Variants in RBFOX1 observed in about 807,000 individuals in gnomAD.
The protein encoded by RBFOX1 is RNA binding protein fox-1 homolog 1.
Under a neutral mutation model 57.7 loss-of-function variants are expected in RBFOX1, and 8 were observed. The observed-to-expected ratio is 0.14, with a 90% confidence interval of 0.08 to 0.25. The LOEUF (loss-of-function observed/expected upper bound fraction) is 0.25. Ranked by LOEUF, RBFOX1 falls within the 10% of genes least tolerant of loss-of-function variation. The pLI is 1.00. For synonymous variants in RBFOX1, 326 were observed against 222.4 expected (o/e 1.47, Z -4.15); for missense variants, 611 against 548.5 (o/e 1.11, Z -1.14).
intron 4 of RBFOX1, among the ~76,000 whole-genome samples, chr16:5,972,718 C>T (rs1368045726): frequency 1.3e-5 from 2 of 152,188 alleles, no homozygotes; most frequent in African/African-American, 4.8e-5. Flanking sequence ...CATGGTGGGG[C>T]TCTGGCAGTC....
chr16:6,862,748 G>A (rs1410169257), intron 3 of RBFOX1, among the ~76,000 whole-genome samples: 2 of 152,158 alleles, frequency 1.3e-5, no homozygotes, highest in African/African-American at 4.8e-5. Context: ...GCTTTGTAAG[G>A]CCGAGGCTGG....
At chr16:5,432,645 G>C (rs1009881140) in intron 1 of RBFOX1, among the ~76,000 whole-genome samples, 1 of 147,522 alleles carries the variant, frequency 6.8e-6, no homozygotes, top group Non-Finnish European at 1.5e-5. Context: ...CTTTTTTCTG[G>C]TATCAGAGAA....
intron 2 of RBFOX1, among the ~76,000 whole-genome samples, chr16:6,562,804 A>G (rs1436225058): frequency 6.7e-6 from 1 of 149,516 alleles, no homozygotes; most frequent in East Asian, 2.0e-4. Context: ...AGTCTGTGTA[A>G]GCAACTGCAG....
chr16:7,589,377 A>T (rs1417159550), intron 7 of RBFOX1, among the ~76,000 whole-genome samples: 1 of 152,176 alleles, frequency 6.6e-6, no homozygotes, highest in Non-Finnish European at 1.5e-5. Flanking sequence ...TGAAAGTACA[A>T]TGGTGATACT....
At chr16:5,856,282 TATACACACAC>T (rs1460755008) in intron 3 of RBFOX1, among the ~76,000 whole-genome samples, 6 of 29,978 alleles carry the variant, frequency 2.0e-4, no homozygotes, top group East Asian at 1.0e-3. Context: ...TACACATATA[TATACACACAC>T]ACACACACAC....
intron 1 of RBFOX1, among the ~76,000 whole-genome samples, chr16:5,269,394 C>G (rs184289240): frequency 6.7e-4 from 102 of 152,366 alleles, no homozygotes; most frequent in African/African-American, 2.3e-3. Flanking sequence ...AATGAAAGCA[C>G]AGGTCCACAC....
chr16:7,256,620 C>T (rs923508995), intron 4 of RBFOX1, among the ~76,000 whole-genome samples: 1 of 152,100 alleles, frequency 6.6e-6, no homozygotes, highest in Non-Finnish European at 1.5e-5. Context: ...TGGCCACAAA[C>T]CAAAGTCATA....
chr16:5,613,234 C>G (rs948528197), intron 3 of RBFOX1, among the ~76,000 whole-genome samples: 1 of 152,084 alleles, frequency 6.6e-6, no homozygotes, highest in African/African-American at 2.4e-5. Context: ...CTCCCCACAC[C>G]CAACATGTGG....
intron 2 of RBFOX1, among the ~76,000 whole-genome samples, chr16:6,601,400 G>A (rs182547133): frequency 6.6e-6 from 1 of 152,136 alleles, no homozygotes; most frequent in East Asian, 1.9e-4. Context: ...TGCTTTTGTT[G>A]GTATTGTGGC....
rs537672423 is a variant in RBFOX1, at chr16:6,532,706, A to C, written c.-63-121897A>C. 2.0e-5 allele frequency among the ~76,000 whole-genome samples: 3 copies of C among 152,228 alleles called. No individual in the cohort carries two copies. The East Asian group carries it at 5.8e-4, about 29-fold the overall frequency. ...TCTGCTCTGGATTCCTCTCCTGGAC[A>C]GTTGCACTGGACTCCATTCCCATTT... On this transcript the variant is annotated intron_variant, in intron 2 of 15. Coordinates refer to ENST00000550418, the MANE Select transcript of RBFOX1 (RefSeq NM_018723.4).
chr16:6,828,470 G>C (rs998222227), intron 3 of RBFOX1, among the ~76,000 whole-genome samples: 1 of 151,908 alleles, frequency 6.6e-6, no homozygotes, highest in Admixed American at 6.6e-5. Context: ...GTTGCAGTCA[G>C]TCGACATCAC....
intron 2 of RBFOX1, among the ~76,000 whole-genome samples, chr16:6,446,711 T>C (rs2094493409): frequency 6.6e-6 from 1 of 152,180 alleles, no homozygotes; most frequent in African/African-American, 2.4e-5. Context: ...ATAGATTAAA[T>C]AGAGTTAGTT....
intron 3 of RBFOX1, among the ~76,000 whole-genome samples, chr16:5,701,653 C>T (rs2051053116): frequency 6.6e-6 from 1 of 152,118 alleles, no homozygotes; most frequent in Non-Finnish European, 1.5e-5. Flanking sequence ...AGGCTGGTCT[C>T]AAACTTCTGG....
intron 3 of RBFOX1, among the ~76,000 whole-genome samples, chr16:5,784,611 C>T (rs546388220): frequency 6.6e-6 from 1 of 152,160 alleles, no homozygotes; most frequent in African/African-American, 2.4e-5. Context: ...TCGCTCACCT[C>T]CCATCTGGCC....
At chr16:6,076,334 GCACACACACACATACACACACACA>G (rs2095900268) in intron 1 of RBFOX1, among the ~76,000 whole-genome samples, 1 of 149,220 alleles carries the variant, frequency 6.7e-6, no homozygotes, top group Admixed American at 6.6e-5. Flanking sequence ...AAACACACGC[GCACACACACACATACACACACACA>G]CACCCCACCT....
chr16:5,397,621 A>G (rs1476800161), intron 1 of RBFOX1, among the ~76,000 whole-genome samples: 42 of 152,210 alleles, frequency 2.8e-4, no homozygotes, highest in Non-Finnish European at 1.0e-4. Context: ...TCTTCAATAG[A>G]TGAAAGGCAT....
At chr16:6,309,170 G>C (rs1426357584) in intron 1 of RBFOX1, among the ~76,000 whole-genome samples, 1 of 151,998 alleles carries the variant, frequency 6.6e-6, no homozygotes, top group Non-Finnish European at 1.5e-5. Flanking sequence ...AACAAACCTT[G>C]AAATTTCCCT....
chr16:6,305,286 G>C (rs933002647), intron 1 of RBFOX1, among the ~76,000 whole-genome samples: 3 of 152,180 alleles, frequency 2.0e-5, no homozygotes, highest in Non-Finnish European at 4.4e-5. Flanking sequence ...AACCCTCTCT[G>C]AACATCATGC....
intron 4 of RBFOX1, among the ~76,000 whole-genome samples, chr16:7,335,098 C>T (rs1450910358): frequency 6.6e-6 from 1 of 152,158 alleles, no homozygotes; most frequent in African/African-American, 2.4e-5. Flanking sequence ...TAGCTAAAAT[C>T]ACCCCAGTGC....
Sources: gnomAD v4.1 joint callset for allele counts (sites outside exome capture counted in the v4.1 genomes callset) on GRCh38, gnomAD v4.1.1 for gene constraint, MANE v1.5 for transcripts, NCBI Gene and HGNC (gene_info 2026-07-23, HGNC 2026-07-21) for gene names.